KIF13B: variants seen among roughly 807,000 people sequenced by gnomAD.
The protein encoded by KIF13B is kinesin family member 13B.
A neutral mutation model predicts 222.0 loss-of-function variants in KIF13B; 127 were observed. The ratio of observed to expected loss-of-function variants is 0.57; its 90% confidence interval spans 0.50 to 0.66. KIF13B has a LOEUF of 0.66. Among genes scored for constraint, KIF13B ranks in the 30% least tolerant of loss-of-function variants. The pLI is 0.00. For missense variants in KIF13B, 2,173 were observed against 2,379.0 expected (o/e 0.91, Z 1.80); for synonymous variants, 976 against 919.0 (o/e 1.06, Z -1.12).
chr8:29,088,518 C>G (rs989276016), intron 37 of KIF13B, among the ~76,000 whole-genome samples: 7 of 152,086 alleles, frequency 4.6e-5, no homozygotes, highest in African/African-American at 1.2e-4. Context: ...GTAGAACCCC[C>G]AGGAGGGGGA....
intron 21 of KIF13B, among the ~76,000 whole-genome samples, chr8:29,138,803 C>T (rs1043817803): frequency 4.6e-5 from 7 of 152,080 alleles, no homozygotes; most frequent in Admixed American, 4.6e-4. Flanking sequence ...AAAGAGAAAG[C>T]GAGCGAGTGA....
chr8:29,070,690 G>A lies in KIF13B; in HGVS notation c.5295C>T (p.Ser1765=). The A allele has an allele frequency of 6.4e-7, 1 of 1,561,102 alleles. No individual in the cohort carries two copies. The highest frequency in any genetic ancestry group is 8.7e-7 in the Non-Finnish European group (1 of 1,153,116). The change falls in exon 40 of 40, where the codon AGC becomes AGT. Residue 1765 remains serine (S), a synonymous_variant. Transcript: ENST00000524189. This position sits in a 1 kb window ranked among gnomAD's most constrained non-coding sequence, Gnocchi z 4.1. Reference sequence around the variant, plus strand: ...CAGGGCCCGTGGCCCTGCGGACCCGGCTGGGCCTGACCAGCAGCCCGTAGC... The same window carrying A: ...CAGGGCCCGTGGCCCTGCGGACCCGACTGGGCCTGACCAGCAGCCCGTAGC... ...NPGYGLLVRP[S]RVRRATGPVR... is the part of the protein sequence containing the mutation.
At chr8:29,119,320 A>T (rs1203097665) in intron 29 of KIF13B, among the ~76,000 whole-genome samples, 1 of 152,232 alleles carries the variant, frequency 6.6e-6, no homozygotes, top group Non-Finnish European at 1.5e-5. Context: ...CGTACCATTT[A>T]GTGCACTGAA....
Position 29,071,878 on chromosome 8 carries a change from A to G in KIF13B, c.4960T>C (p.Ser1654Pro). 6.5e-7 allele frequency: 1 copy of G among 1,527,284 alleles called. No homozygotes were observed. The highest frequency in any genetic ancestry group is 8.7e-7 in the Non-Finnish European group (1 of 1,143,334). The allele number at this position is 1,527,284 out of a possible 1,614,324, so 94.6% of individuals were successfully genotyped here. A position where few individuals can be genotyped will look rare whatever the true frequency, so the allele number is the denominator to read the frequency against. ...SPFRVRRVRA[S>P]ELRSFSRMLA... ...ATGCGCGAGAAGGAGCGCAACTCCG[A>G]GGCCCGCACCCTCCGGACGCGGAAC... is the stretch of plus-strand genomic sequence containing the variant. Residue 1654 changes from serine (S) to proline (P), a missense_variant, in exon 39 of 40, where the codon TCG (serine) becomes CCG (proline). Ser to Pro is a moderately conservative substitution (Grantham distance 74, BLOSUM62 -1). Coordinates refer to ENST00000524189, the MANE Select transcript of KIF13B (RefSeq NM_015254.4). The surrounding 1 kb of genome is among the most constrained non-coding windows in gnomAD (Gnocchi z 4.9).
chr8:29,202,032 AT>A (rs1813714786), intron 2 of KIF13B, among the ~76,000 whole-genome samples: 1 of 152,226 alleles, frequency 6.6e-6, no homozygotes, highest in Non-Finnish European at 1.5e-5. Flanking sequence ...AATATCTAGA[AT>A]TTTCCATCCA....
intron 22 of KIF13B, among the ~76,000 whole-genome samples, chr8:29,133,485 G>A (rs1339219782): frequency 6.6e-6 from 1 of 152,180 alleles, no homozygotes; most frequent in Non-Finnish European, 1.5e-5. Flanking sequence ...CAGCTACTTG[G>A]GAGGCTGAGG....
intron 18 of KIF13B, among the ~76,000 whole-genome samples, chr8:29,144,893 T>C (rs1166498111): frequency 1.3e-5 from 2 of 152,206 alleles, no homozygotes; most frequent in African/African-American, 4.8e-5. Context: ...CTTCCAGGCG[T>C]TGACATGGCT....
intron 37 of KIF13B, among the ~76,000 whole-genome samples, chr8:29,076,317 G>A (rs1021904444): frequency 3.9e-5 from 6 of 152,220 alleles, no homozygotes; most frequent in African/African-American, 9.6e-5. Context: ...CAGGACAGCC[G>A]CGGGTAGGGC....
intron 1 of KIF13B, among the ~76,000 whole-genome samples, chr8:29,259,392 G>A (rs532558785): frequency 1.9e-4 from 29 of 151,932 alleles, no homozygotes; most frequent in Non-Finnish European, 3.2e-4. Context: ...CATTTCTTTC[G>A]TTTCCCGGTT....
At chr8:29,170,135 G>A (rs185690767) in intron 10 of KIF13B, among the ~76,000 whole-genome samples, 96 of 152,362 alleles carry the variant, frequency 6.3e-4, no homozygotes, top group Non-Finnish European at 1.0e-3. Context: ...AAAGTAGAAA[G>A]TGTCTTGTTT....
intron 1 of KIF13B, among the ~76,000 whole-genome samples, chr8:29,258,693 C>G (rs927786484): frequency 6.6e-6 from 1 of 152,196 alleles, no homozygotes; most frequent in African/African-American, 2.4e-5. Context: ...CATCCCCTCT[C>G]CCGTGCTCAC....
At chr8:29,119,076 ATTC>A in intron 29 of KIF13B, 84 bp from the exon 30 acceptor site, 1 of 1,361,694 alleles carries the variant, frequency 7.3e-7, no homozygotes, top group Non-Finnish European at 1.0e-6. Flanking sequence ...GATTATTACA[ATTC>A]TTCTGCTTCA....
chr8:29,227,325 T>C (rs1764770802), intron 2 of KIF13B, among the ~76,000 whole-genome samples: 1 of 152,168 alleles, frequency 6.6e-6, no homozygotes, highest in South Asian at 2.1e-4. Flanking sequence ...GTTTTGCACT[T>C]GTTGCCCAGA....
intron 35 of KIF13B, among the ~76,000 whole-genome samples, chr8:29,101,262 A>G (rs769246718): frequency 6.6e-6 from 1 of 152,202 alleles, no homozygotes; most frequent in Non-Finnish European, 1.5e-5. Context: ...AGTTTCTCAG[A>G]GGAAGAAAAG....
Position 29,140,616 on chromosome 8 carries a change from A to G in KIF13B, c.2336T>C (p.Val779Ala), listed in dbSNP as rs1005077444. 1.2e-6 allele frequency: 2 copies of G among 1,607,890 alleles called. No homozygotes were observed. The highest frequency in any genetic ancestry group is 2.7e-5 in the African/African-American group (2 of 74,704). ...EWKECEEDNPVIRSYFKRADP... is the reference protein window; with the variant it reads ...EWKECEEDNPAIRSYFKRADP... Reference sequence around the variant, plus strand: ...AGCACGTTTGAAGTATGATCGTATTACCTGTAAAGAGATTGAGAACACACA... The same window carrying G: ...AGCACGTTTGAAGTATGATCGTATTGCCTGTAAAGAGATTGAGAACACACA... The change falls in exon 20 of 40, where the codon GTA (valine) becomes GCA (alanine). Residue 779 changes from valine to alanine, a missense_variant and splice_region_variant. By Grantham distance (64) the Val-to-Ala change is moderately conservative. Transcript: ENST00000524189.
In KIF13B at chr8:29,146,331, T is replaced by A. The variant is rs376908679; in HGVS notation, c.2187+47A>T. The A allele has an allele frequency of 3.6e-5, 58 of 1,594,330 alleles. No homozygotes were observed. The African/African-American group carries it at 7.1e-4, about 20-fold the overall frequency. ...AATAACACCAGGAAATATCAGGCGATCTTATCCAATGAGATCTTTGTTTTT... is the reference window on the plus strand; with the variant it reads ...AATAACACCAGGAAATATCAGGCGAACTTATCCAATGAGATCTTTGTTTTT... On this transcript the variant is annotated intron_variant, in intron 18 of 39. Transcript: ENST00000524189.
chr8:29,104,019 C>T (rs960078698), intron 35 of KIF13B, among the ~76,000 whole-genome samples: 4 of 152,124 alleles, frequency 2.6e-5, no homozygotes, highest in African/African-American at 9.7e-5. Context: ...ATGCTGTCTC[C>T]GAAGCATGTG....
intron 29 of KIF13B, 124 bp downstream of exon 29, chr8:29,122,467 A>T: frequency 5.5e-6 from 4 of 725,016 alleles, no homozygotes; most frequent in Non-Finnish European, 9.7e-6. Flanking sequence ...ACATGGACAC[A>T]CGTCAAACTG....
intron 2 of KIF13B, among the ~76,000 whole-genome samples, chr8:29,237,469 C>A (rs1376838002): frequency 6.6e-6 from 1 of 152,168 alleles, no homozygotes; most frequent in African/African-American, 2.4e-5. Flanking sequence ...TAACCATATA[C>A]ACAAACCCTG....
Sources: gnomAD v4.1 joint callset for allele counts (sites outside exome capture counted in the v4.1 genomes callset) on GRCh38, gnomAD v4.1.1 for gene constraint, Gnocchi (gnomAD v3.1) non-coding constraint, MANE v1.5 for transcripts, NCBI Gene and HGNC (gene_info 2026-07-23, HGNC 2026-07-21) for gene names.